P3H1: variants seen among roughly 807,000 people sequenced by gnomAD.
P3H1 encodes the protein growth suppressor 1.
In P3H1, 69 loss-of-function variants were observed where a neutral mutation model predicts 84.0. That is an observed-to-expected ratio of 0.82 (90% CI 0.68 to 1.00). The LOEUF is 1.00. P3H1 is among the 50% of genes least tolerant of loss of function. P3H1 has a pLI of 0.00. For synonymous variants in P3H1, 366 were observed against 388.8 expected (o/e 0.94, Z 0.69); for missense variants, 878 against 962.8 (o/e 0.91, Z 1.17).
chr1:42,748,424 G>A, intron 11 of P3H1, 107 bp from the exon 12 acceptor site: 1 of 864,732 alleles, frequency 1.2e-6, no homozygotes, highest in African/African-American at 1.6e-5. Context: ...TCTACGGAAT[G>A]CCCAATGAAC....
rs190357316 is a variant in P3H1 at position 42,752,954 on chromosome 1, C to T, written c.1346-290G>A. 3.5e-4 allele frequency among the ~76,000 whole-genome samples: 53 copies of T among 152,206 alleles called. 1 individual carries two copies. Among genetic ancestry groups the T allele is most frequent in the East Asian group, 2.5e-3 (13 of 5,188 alleles). On this transcript the variant is annotated intron_variant, in intron 8 of 14. Coordinates refer to ENST00000296388, the MANE Select transcript of P3H1 (RefSeq NM_022356.4). ...CAATCCTAAAACATGAGCTCGGGAACGAGGAAGAACTGACTTTGACTCCTA... is the reference window on the plus strand; with the variant it reads ...CAATCCTAAAACATGAGCTCGGGAATGAGGAAGAACTGACTTTGACTCCTA...
chr1:42,760,368 T>G (rs1047923680), intron 2 of P3H1: 14 of 152,020 alleles, frequency 9.2e-5, no homozygotes, highest in Non-Finnish European at 2.1e-4. Context: ...GAGACAGAGT[T>G]TTTTTTTGAG....
intron 10 of P3H1, 41 bp downstream of exon 10, chr1:42,752,233 C>A: frequency 6.5e-7 from 1 of 1,530,430 alleles, no homozygotes; most frequent in Non-Finnish European, 9.1e-7. Flanking sequence ...CCCTTCCCCA[C>A]CCCTTTCTCC....
chr1:42,752,737 T>A (rs1652186817), intron 8 of P3H1, 73 bp from the exon 9 acceptor site: 1 of 1,578,958 alleles, frequency 6.3e-7, no homozygotes, highest in Non-Finnish European at 8.7e-7. Flanking sequence ...GGATATTGCC[T>A]CCTCGTCACA....
chr1:42,754,990 C>T lies in P3H1; in HGVS notation c.1224G>A (p.Lys408=), dbSNP rs778202277. 167 of 1,614,064 alleles carry T rather than the reference C, an allele frequency of 1.0e-4. No individual in the cohort carries two copies. The highest frequency in any genetic ancestry group is 1.4e-4 in the Non-Finnish European group (162 of 1,180,044). The change falls in exon 8 of 15, where the codon AAG becomes AAA. Residue 408 remains lysine (K), a splice_region_variant and synonymous_variant. Coordinates refer to ENST00000296388, the MANE Select transcript of P3H1 (RefSeq NM_022356.4). The surrounding 1 kb of genome is among the most constrained non-coding windows in gnomAD (Gnocchi z 4.0). ...VIPKRLQEKQ[K]SERETAVRIS... The stretch of plus-strand genomic sequence containing the variant: ...TGCGTACGGCTGTTTCCCGTTCTGA[C>T]CTATGAGCACAGCCGCTCTGAGGAC...
chr1:42,747,540 A>G (rs1651798110), intron 13 of P3H1, 128 bp from the exon 14 acceptor site: 1 of 1,134,698 alleles, frequency 8.8e-7, no homozygotes, highest in East Asian at 2.4e-5. Flanking sequence ...TAAGACCAGA[A>G]CTAAAGAGAA....
In P3H1 at chr1:42,766,552, G is replaced by A. The variant is rs1027100537; in HGVS notation, c.420C>T (p.Phe140=). ...GGTAGTTGTAGGGGCTCCGCTTGCG[G>A]AACTCCAGCTCCATCTCTTCGCTGA... ...HSLSEEMELE[F]RKRSPYNYLQ... The change falls in exon 1 of 15, where the codon TTC becomes TTT. Residue 140 remains phenylalanine, a synonymous_variant. Coordinates refer to ENST00000296388, the MANE Select transcript of P3H1 (RefSeq NM_022356.4). 1 of 1,612,180 alleles carries A rather than the reference G, an allele frequency of 6.2e-7. No homozygotes were observed. The highest frequency in any genetic ancestry group is 1.3e-5 in the African/African-American group (1 of 74,928).
At chr1:42,748,883 C>T (rs138353526) in intron 11 of P3H1, 36 of 201,492 alleles carry the variant, frequency 1.8e-4, no homozygotes, top group African/African-American at 8.0e-4. Context: ...CAACGCAAAC[C>T]TTTGGCATGC....
In P3H1 at chr1:42,750,017, C is replaced by T. The variant is rs1446905905; in HGVS notation, c.1720+169G>A. The T allele has an allele frequency of 1.0e-5, 8 of 778,318 alleles. No individual in the cohort carries two copies. In the East Asian group the frequency reaches 1.6e-4, roughly 16 times the overall value. The allele number at this position is 778,318 out of a possible 1,614,324, so 48.2% of individuals were successfully genotyped here. On this transcript the variant is annotated intron_variant, in intron 11 of 14. Transcript: ENST00000296388. ...CCCCAGGTAGGTTGACTATAACTTC[C>T]TCCATGCTACTGTGGCATGCATCAC...
chr1:42,749,005 T>G (rs1463752780), intron 11 of P3H1, among the ~76,000 whole-genome samples: 6 of 152,128 alleles, frequency 3.9e-5, no homozygotes, highest in Non-Finnish European at 5.9e-5. Flanking sequence ...GGGCCTCACT[T>G]CTCCCTCCTC....
At chr1:42,764,853 A>T (rs1204753926) in intron 1 of P3H1, among the ~76,000 whole-genome samples, 2 of 151,870 alleles carry the variant, frequency 1.3e-5, no homozygotes, top group African/African-American at 4.8e-5. Context: ...TCATGGAATT[A>T]CTCTAGCTCT....
In P3H1 at chr1:42,766,855, G is replaced by A; in HGVS notation, c.117C>T (p.Phe39=). 1 of 1,606,518 alleles carries A rather than the reference G, an allele frequency of 6.2e-7. No homozygotes were observed. Among genetic ancestry groups the A allele is most frequent in the Non-Finnish European group, 8.5e-7 (1 of 1,179,814 alleles). ...GCGCGTAGGCTGCGGTCCCCTCGGC[G>A]AAGAGCAGATCAGGCGTCACCATGC... ...GWGMVTPDLL[F]AEGTAAYARG... The change falls in exon 1 of 15, where the codon TTC becomes TTT. Residue 39 remains phenylalanine (F), a synonymous_variant. Coordinates refer to ENST00000296388, the MANE Select transcript of P3H1 (RefSeq NM_022356.4).
rs1251742894 is a variant in P3H1 at position 42,757,868 on chromosome 1, G to A, written c.995C>T (p.Pro332Leu). 2 of 1,614,180 alleles carry A rather than the reference G, an allele frequency of 1.2e-6. No homozygotes were observed. The highest frequency in any genetic ancestry group is 2.2e-5 in the South Asian group (2 of 91,082). The change falls in exon 5 of 15, where the codon CCC (proline) becomes CTC (leucine). Residue 332 changes from proline (P) to leucine (L), a missense_variant. Pro to Leu is a moderately conservative substitution (Grantham distance 98). Transcript: ENST00000296388. ...ECAKTYLLFF[P>L]NDEVMNQNLA... ...ATTTTGGTTCATCACCTCGTCATTG[G>A]GGAAGAAGAGAAGATAGGTCTTGGC...
chr1:42,759,341 TC>T lies in P3H1; in HGVS notation c.667del (p.Glu223LysfsTer6). 6.2e-7 allele frequency: 1 copy of T among 1,614,174 alleles called. No individual in the cohort carries two copies. Among genetic ancestry groups the T allele is most frequent in the Non-Finnish European group, 8.5e-7 (1 of 1,180,020 alleles). ...VRLYSEEQPQ[E>X]AVPHLEAALQ... is the part of the protein sequence containing the mutation. ...CGCCGCCTCTAGGTGGGGCACAGCT[TC>T]CTGTGGCTGTTCCTCTGAGTAGAGT... On this transcript the variant is annotated frameshift_variant, in exon 3 of 15. Coordinates refer to ENST00000296388, the MANE Select transcript of P3H1 (RefSeq NM_022356.4). LOFTEE classifies it high-confidence loss of function.
intron 2 of P3H1, chr1:42,761,819 A>C: frequency 6.0e-6 from 1 of 165,536 alleles, no homozygotes; most frequent in Non-Finnish European, 1.3e-5. Flanking sequence ...CCAGGAGGTC[A>C]AGGCTGCAGT....
chr1:42,752,048 C>G (rs923088943), intron 10 of P3H1, among the ~76,000 whole-genome samples: 1 of 152,196 alleles, frequency 6.6e-6, no homozygotes, highest in African/African-American at 2.4e-5. Context: ...ATAGCTTTGG[C>G]GAACAGTCTT....
Position 42,759,229 on chromosome 1 carries a change from G to C in P3H1, c.780C>G (p.Tyr260Ter). 1 of 1,614,206 alleles carries C rather than the reference G, an allele frequency of 6.2e-7. No homozygotes were observed. Among genetic ancestry groups the C allele is most frequent in the Non-Finnish European group, 8.5e-7 (1 of 1,180,042 alleles). The stretch of plus-strand genomic sequence containing the variant: ...TGATGGCCTGGAAGAGGTCAGCGTT[G>C]TACTCAAGGTAGTTGTAGCCATCGT... ...YDYDGYNYLE[Y>*]NADLFQAITD... The change falls in exon 3 of 15, where the codon TAC (tyrosine) becomes TAG (stop). Residue 260 changes from tyrosine (Y) to a stop codon, truncating the protein, a stop_gained. Transcript: ENST00000296388. LOFTEE classifies it high-confidence loss of function.
intron 2 of P3H1, chr1:42,762,043 C>T (rs1396365252): frequency 5.8e-6 from 2 of 347,312 alleles, no homozygotes; most frequent in Non-Finnish European, 5.4e-6. Context: ...TTATACTTAC[C>T]TACATTTCTA....
In P3H1 at chr1:42,746,673, C is replaced by A; in HGVS notation, c.*24G>T. On this transcript the variant is annotated 3_prime_UTR_variant, in exon 15 of 15. Transcript: ENST00000296388. Reference sequence around the variant, plus strand: ...GAGTTCCTCTCCATGGGTCTAGTCACCCATCCGTCTGACCTGGACGCTGTC... The same window carrying A: ...GAGTTCCTCTCCATGGGTCTAGTCAACCATCCGTCTGACCTGGACGCTGTC... 1 of 1,531,404 alleles carries A rather than the reference C, an allele frequency of 6.5e-7. No individual in the cohort carries two copies. The highest frequency in any genetic ancestry group is 1.2e-5 in the South Asian group (1 of 83,664). 94.9% of individuals were successfully genotyped at this position (1,531,404 alleles called of 1,614,324 possible). A position where few individuals can be genotyped will look rare whatever the true frequency, so the allele number is the denominator to read the frequency against.
Sources: allele counts gnomAD v4.1 joint callset (sites outside exome capture counted in the v4.1 genomes callset), GRCh38; gene constraint gnomAD v4.1.1; non-coding constraint Gnocchi (gnomAD v3.1); transcripts MANE v1.5; gene names NCBI Gene and HGNC (gene_info 2026-07-23, HGNC 2026-07-21).